Variants in GPC5 observed in about 807,000 individuals in gnomAD.
GPC5 encodes glypican 5.
A neutral mutation model predicts 53.9 loss-of-function variants in GPC5; 47 were observed. The observed-to-expected ratio is 0.87, with a 90% CI of 0.69 to 1.11. GPC5 has a LOEUF of 1.11. Among genes scored for constraint, GPC5 ranks in the 50% most tolerant of loss-of-function variants. The pLI is 0.00. For synonymous variants in GPC5, 286 were observed against 263.3 expected, an observed-to-expected ratio of 1.09 and a Z score of -0.84; for missense variants, 748 against 713.1, an observed-to-expected ratio of 1.05 and a Z score of -0.56.
At chr13:92,452,461 A>G (rs899336718) in intron 7 of GPC5, among the ~76,000 whole-genome samples, 5 of 152,220 alleles carry the variant, frequency 3.3e-5, no homozygotes, top group African/African-American at 1.2e-4. Flanking sequence ...AATTTTAAAA[A>G]TAAAAGCTAT....
At chr13:92,571,059 G>A (rs1049264822) in intron 7 of GPC5, among the ~76,000 whole-genome samples, 1 of 151,990 alleles carries the variant, frequency 6.6e-6, no homozygotes, top group Non-Finnish European at 1.5e-5. Flanking sequence ...ACATAGTTGG[G>A]GAGACATCCT....
At chr13:92,367,506 C>G (rs762761827) in intron 7 of GPC5, among the ~76,000 whole-genome samples, 2 of 152,054 alleles carry the variant, frequency 1.3e-5, no homozygotes, top group Non-Finnish European at 2.9e-5. Flanking sequence ...CATTTTTTAC[C>G]TGTTTCATAT....
chr13:91,814,064 C>A (rs1423459817), intron 5 of GPC5, among the ~76,000 whole-genome samples: 1 of 150,880 alleles, frequency 6.6e-6, no homozygotes, highest in Admixed American at 6.6e-5. Context: ...TCCCAAATAG[C>A]TGGGACTACA....
At chr13:92,074,510 G>A (rs2041237434) in intron 6 of GPC5, among the ~76,000 whole-genome samples, 1 of 152,080 alleles carries the variant, frequency 6.6e-6, no homozygotes, top group South Asian at 2.1e-4. Flanking sequence ...TCCAACTTTG[G>A]CCACAACATT....
rs16945885 is a variant in GPC5 at position 91,408,815 on chromosome 13, C to T, written c.163+9606C>T. Among the ~76,000 whole-genome samples, 1,417 of 152,184 alleles carry T rather than the reference C, an allele frequency of 9.3e-3. 8 individuals are homozygous for T. Among genetic ancestry groups the T allele is most frequent in the Non-Finnish European group, 0.014 (925 of 67,978 alleles). ...CAAATCTATTTCAGTTCTTATAATT[C>T]CTTATAGGCAGCATAATTAAATAAT... On this transcript the variant is annotated intron_variant, in intron 1 of 7. Coordinates refer to ENST00000377067, the MANE Select transcript of GPC5 (RefSeq NM_004466.6).
intron 2 of GPC5, among the ~76,000 whole-genome samples, chr13:91,603,315 T>C (rs974393835): frequency 2.0e-5 from 3 of 152,236 alleles, no homozygotes; most frequent in African/African-American, 7.2e-5. Context: ...ATGGGCCTTA[T>C]GTAAGAGAGA....
intron 5 of GPC5, among the ~76,000 whole-genome samples, chr13:91,792,504 T>C (rs1435688860): frequency 6.6e-6 from 1 of 152,228 alleles, no homozygotes; most frequent in Non-Finnish European, 1.5e-5. Context: ...GTGACCACTC[T>C]GACTTTCACC....
chr13:92,303,144 T>C (rs974610355), intron 7 of GPC5, among the ~76,000 whole-genome samples: 10 of 152,022 alleles, frequency 6.6e-5, no homozygotes, highest in Admixed American at 5.9e-4. Context: ...GGTACCAGAA[T>C]AGGTCTTGGG....
chr13:91,476,383 T>C (rs1359163656), intron 2 of GPC5, among the ~76,000 whole-genome samples: 3 of 152,212 alleles, frequency 2.0e-5, no homozygotes, highest in African/African-American at 7.2e-5. Flanking sequence ...CACCCAGTGT[T>C]ACATTGAAGT....
intron 3 of GPC5, among the ~76,000 whole-genome samples, chr13:91,713,177 A>G (rs981289443): frequency 1.3e-5 from 2 of 152,136 alleles, no homozygotes; most frequent in African/African-American, 4.8e-5. Context: ...GGTGATAGAG[A>G]GAGACTCTGT....
chr13:92,381,889 T>TCATATATATCATATATATCA (rs753025655), intron 7 of GPC5, among the ~76,000 whole-genome samples: 15 of 122,174 alleles, frequency 1.2e-4, no homozygotes, highest in South Asian at 9.6e-4. Flanking sequence ...ATTATATATA[T>TCATATATATCATATATATCA]TATATATAAT....
At chr13:92,208,252 C>T (rs1227069806) in intron 7 of GPC5, among the ~76,000 whole-genome samples, 1 of 152,188 alleles carries the variant, frequency 6.6e-6, no homozygotes, top group Non-Finnish European at 1.5e-5. Context: ...TTAATGTTCT[C>T]CCTTAAATTT....
intron 2 of GPC5, among the ~76,000 whole-genome samples, chr13:91,555,095 T>C (rs2030867974): frequency 6.6e-6 from 1 of 152,078 alleles, no homozygotes. Flanking sequence ...TAGATTCACA[T>C]GTAGTTATAA....
Position 91,741,284 on chromosome 13 carries a change from AT to A in GPC5, c.1154+12620del, listed in dbSNP as rs2036928302. 2.0e-5 allele frequency among the ~76,000 whole-genome samples: 3 copies of A among 152,278 alleles called. No homozygotes were observed. In the East Asian group the frequency reaches 5.8e-4, roughly 29 times the overall value. ...CATTAGACATTTCCAGTTCATTCTA[AT>A]GCATTTATTAAATCGTGATTTGAGT... is the stretch of plus-strand genomic sequence containing the variant. On this transcript the variant is annotated intron_variant, in intron 4 of 7. Coordinates refer to ENST00000377067, the MANE Select transcript of GPC5 (RefSeq NM_004466.6).
intron 2 of GPC5, among the ~76,000 whole-genome samples, chr13:91,610,940 TG>T (rs1481360642): frequency 2.6e-5 from 4 of 152,140 alleles, no homozygotes; most frequent in Admixed American, 6.6e-5. Context: ...TGTAAAGGCA[TG>T]GGGGTCCTAA....
At chr13:92,709,841 G>T (rs915043637) in intron 7 of GPC5, among the ~76,000 whole-genome samples, 9 of 152,210 alleles carry the variant, frequency 5.9e-5, no homozygotes, top group Admixed American at 4.6e-4. Context: ...AAAGTGAGTA[G>T]TTCAAGTGCA....
chr13:91,974,333 C>T (rs2040275702), intron 6 of GPC5, among the ~76,000 whole-genome samples: 1 of 152,120 alleles, frequency 6.6e-6, no homozygotes, highest in Admixed American at 6.6e-5. Flanking sequence ...CAAATTGTCC[C>T]TGTTTGTAGA....
chr13:91,846,364 A>G (rs1427512355), intron 5 of GPC5, among the ~76,000 whole-genome samples: 3 of 152,110 alleles, frequency 2.0e-5, no homozygotes, highest in African/African-American at 7.2e-5. Context: ...GTTTAACCTG[A>G]TTCTGCCAGC....
chr13:91,595,047 C>T (rs916228839), intron 2 of GPC5, among the ~76,000 whole-genome samples: 14 of 149,118 alleles, frequency 9.4e-5, no homozygotes, highest in South Asian at 4.2e-4. Flanking sequence ...TATTTCTAGA[C>T]GGAGACTCAC....
Sources: gnomAD v4.1 joint callset for allele counts (sites outside exome capture counted in the v4.1 genomes callset) on GRCh38, gnomAD v4.1.1 for gene constraint, MANE v1.5 for transcripts, NCBI Gene and HGNC (gene_info 2026-07-23, HGNC 2026-07-21) for gene names.